The following CLIP1 variants were observed in gnomAD, a reference collection of about 807,000 sequenced individuals.
The protein encoded by CLIP1 is CAP-Gly domain containing linker protein 1, also known as CAP-Gly domain-containing linker protein 1.
A neutral mutation model predicts 161.6 loss-of-function variants in CLIP1; 66 were observed. The observed-to-expected ratio is 0.41, with a 90% CI of 0.33 to 0.50. The LOEUF (loss-of-function observed/expected upper bound fraction) is 0.50, where lower values mean the gene tolerates loss of function less well. CLIP1 is among the 20% of genes least tolerant of loss of function. CLIP1 has a pLI of 0.27. For missense variants in CLIP1, 1,376 were observed against 1,702.0 expected (o/e 0.81, Z 3.37); for synonymous variants, 598 against 626.2 (o/e 0.96, Z 0.67).
chr12:122,355,089 T>C lies in CLIP1; in HGVS notation c.1203+26A>G, dbSNP rs773095894. On this transcript the variant is annotated intron_variant, in intron 6 of 25. Coordinates refer to ENST00000620786, the MANE Select transcript of CLIP1 (RefSeq NM_001247997.2). This position sits in a 1 kb window ranked among gnomAD's most constrained non-coding sequence, Gnocchi z 4.1. ...TCAGTGGCTTTAGAAACCATCACCA[T>C]CTCCGCAACAAGGTCCAGACTTCAC... 15 of 1,606,444 alleles carry C rather than the reference T, an allele frequency of 9.3e-6. No homozygotes were observed. The African/African-American group carries it at 1.7e-4, about 19-fold the overall frequency.
At chr12:122,298,596 CAAAAA>C (rs58917162) in intron 20 of CLIP1, among the ~76,000 whole-genome samples, 1 of 62,064 alleles carries the variant, frequency 1.6e-5, no homozygotes, top group Admixed American at 1.9e-4. Flanking sequence ...CACTCTGTCT[CAAAAA>C]AAAAAAAAAA....
At chr12:122,357,946 A>G (rs1312363448) in intron 5 of CLIP1, among the ~76,000 whole-genome samples, 2 of 152,046 alleles carry the variant, frequency 1.3e-5, no homozygotes, top group Non-Finnish European at 2.9e-5. Context: ...TGTACCCAAC[A>G]GCTCATTGAG....
intron 5 of CLIP1, among the ~76,000 whole-genome samples, chr12:122,359,165 T>C (rs1470979372): frequency 6.6e-6 from 1 of 152,244 alleles, no homozygotes; most frequent in African/African-American, 2.4e-5. Context: ...GTAACTGAAA[T>C]GACACTTTCA....
At chr12:122,342,187 T>A (rs1412385909) in intron 10 of CLIP1, 2 of 152,264 alleles carry the variant, frequency 1.3e-5, no homozygotes, top group African/African-American at 4.8e-5. Flanking sequence ...ACTGTGATAA[T>A]GGCTTAAGTC....
chr12:122,294,714 G>C (rs1321162642), intron 20 of CLIP1, among the ~76,000 whole-genome samples: 2 of 151,912 alleles, frequency 1.3e-5, no homozygotes, highest in Non-Finnish European at 2.9e-5. Flanking sequence ...CTCCAGCCTG[G>C]GTGACAGAGT....
chr12:122,316,270 G>A (rs1039658027), intron 19 of CLIP1, among the ~76,000 whole-genome samples: 7 of 151,782 alleles, frequency 4.6e-5, no homozygotes, highest in Non-Finnish European at 7.4e-5. Context: ...GAGTGCAGTG[G>A]CACGATTATG....
Position 122,334,007 on chromosome 12 carries a change from C to A in CLIP1, c.2710+20G>T. ...AAGCCTACTGTATTTAATGTTTAGT[C>A]ACCAGAGATGTCTTCTTACCTGCTA... is the stretch of plus-strand genomic sequence containing the variant. On this transcript the variant is annotated intron_variant, in intron 14 of 25. Transcript: ENST00000620786. 6.7e-7 allele frequency: 1 copy of A among 1,499,460 alleles called. No homozygotes were observed. The highest frequency in any genetic ancestry group is 1.7e-5 in the Admixed American group (1 of 59,632). 92.9% of individuals were successfully genotyped at this position (1,499,460 alleles called of 1,614,324 possible). A position where few individuals can be genotyped will look rare whatever the true frequency, so the allele number is the denominator to read the frequency against.
At chr12:122,315,863 A>G (rs1046732251) in intron 19 of CLIP1, among the ~76,000 whole-genome samples, 6 of 151,676 alleles carry the variant, frequency 4.0e-5, no homozygotes, top group Non-Finnish European at 4.4e-5. Flanking sequence ...GGATGGTCTC[A>G]ATCTCCTGAC....
At chr12:122,294,701 G>A (rs1306924868) in intron 20 of CLIP1, among the ~76,000 whole-genome samples, 1 of 152,072 alleles carries the variant, frequency 6.6e-6, no homozygotes, top group Non-Finnish European at 1.5e-5. Context: ...CTGCACCACA[G>A]CACTCCAGCC....
chr12:122,340,906 G>T lies in CLIP1; in HGVS notation c.2298C>A (p.Leu766=), dbSNP rs774672060. The change falls in exon 11 of 26, where the codon CTC becomes CTA. Residue 766 remains leucine, a synonymous_variant. Transcript: ENST00000620786. ...TKVIDNFTSQ[L]KATEEKLLDL... is the part of the protein sequence containing the mutation. ...CCAAGAGCTTTTCTTCAGTAGCCTT[G>T]AGCTGTGATGTAAAATTATCAATAA... The T allele has an allele frequency of 1.9e-6, 3 of 1,614,146 alleles. No homozygotes were observed. The highest frequency in any genetic ancestry group is 2.2e-5 in the South Asian group (2 of 91,078).
chr12:122,326,764 C>CA (rs199512756), intron 17 of CLIP1, among the ~76,000 whole-genome samples: 3,154 of 143,308 alleles, frequency 0.022, 89 homozygotes, highest in African/African-American at 0.065. Context: ...AAAGGAAATA[C>CA]AAAAAAAAAA....
chr12:122,296,983 G>GTACTGCT (rs1950498057), intron 20 of CLIP1, among the ~76,000 whole-genome samples: 1 of 151,468 alleles, frequency 6.6e-6, no homozygotes, highest in African/African-American at 2.4e-5. Flanking sequence ...GAGATTCATT[G>GTACTGCT]TACTGCTCAC....
intron 1 of CLIP1, among the ~76,000 whole-genome samples, chr12:122,385,702 C>T (rs1250690279): frequency 6.6e-6 from 1 of 152,102 alleles, no homozygotes; most frequent in Non-Finnish European, 1.5e-5. Context: ...TGGATGTCGG[C>T]TGCAGGAGGG....
At chr12:122,351,389 A>T (rs942644956) in intron 8 of CLIP1, among the ~76,000 whole-genome samples, 3 of 152,230 alleles carry the variant, frequency 2.0e-5, no homozygotes, top group Non-Finnish European at 2.9e-5. Flanking sequence ...GGGTGTTTTT[A>T]AATGGATGAG....
chr12:122,327,825 G>T, intron 17 of CLIP1, 122 bp downstream of exon 17: 1 of 782,602 alleles, frequency 1.3e-6, no homozygotes, highest in Non-Finnish European at 2.1e-6. Context: ...CACTCAGAAG[G>T]GTAACGTCTG....
chr12:122,296,982 T>C (rs1206670991), intron 20 of CLIP1, among the ~76,000 whole-genome samples: 4 of 152,054 alleles, frequency 2.6e-5, no homozygotes, highest in African/African-American at 4.8e-5. Flanking sequence ...AGAGATTCAT[T>C]GTACTGCTCA....
intron 20 of CLIP1, among the ~76,000 whole-genome samples, chr12:122,294,354 A>AC (rs1024807813): frequency 1.3e-5 from 2 of 151,104 alleles, no homozygotes; most frequent in Non-Finnish European, 3.0e-5. Flanking sequence ...CAAAAAAAAA[A>AC]ACCCCAAACT....
chr12:122,345,859 C>T (rs1202487690), intron 10 of CLIP1, among the ~76,000 whole-genome samples: 1 of 151,610 alleles, frequency 6.6e-6, no homozygotes, highest in Non-Finnish European at 1.5e-5. Flanking sequence ...GATCTCGGCT[C>T]ACCGCAACCT....
chr12:122,297,124 A>G (rs1470489318), intron 20 of CLIP1, among the ~76,000 whole-genome samples: 4 of 152,234 alleles, frequency 2.6e-5, no homozygotes, highest in Non-Finnish European at 5.9e-5. Context: ...AGTGATGCAC[A>G]AATAATCATA....
Sources: gnomAD v4.1 joint callset for allele counts (sites outside exome capture counted in the v4.1 genomes callset) on GRCh38, gnomAD v4.1.1 for gene constraint, Gnocchi (gnomAD v3.1) non-coding constraint, MANE v1.5 for transcripts, NCBI Gene and HGNC (gene_info 2026-07-23, HGNC 2026-07-21) for gene names.